Variants in SLC39A11 observed in about 807,000 individuals in gnomAD.
The protein encoded by SLC39A11 is solute carrier family 39 member 11, also known as zinc transporter ZIP11.
A neutral mutation model predicts 36.1 loss-of-function variants in SLC39A11; 33 were observed. That is an observed-to-expected ratio of 0.91 (90% CI 0.69 to 1.22). The LOEUF is 1.22. SLC39A11 is among the 50% of genes most tolerant of loss of function. The pLI is 0.00. For missense variants in SLC39A11, 432 were observed against 430.3 expected, an observed-to-expected ratio of 1.00 and a Z score of -0.03; for synonymous variants, 166 against 170.3, an observed-to-expected ratio of 0.97 and a Z score of 0.20.
intron 3 of SLC39A11, among the ~76,000 whole-genome samples, chr17:73,037,198 A>T (rs1481894146): frequency 6.6e-6 from 1 of 152,224 alleles, no homozygotes; most frequent in Non-Finnish European, 1.5e-5. Context: ...ACCCGTGTGC[A>T]GGTATTGGTG....
At chr17:72,696,174 T>C (rs1276159034) in intron 7 of SLC39A11, among the ~76,000 whole-genome samples, 2 of 151,700 alleles carry the variant, frequency 1.3e-5, no homozygotes, top group Non-Finnish European at 2.9e-5. Flanking sequence ...TTGGGAGTCA[T>C]GGGGCAGGGG....
At chr17:72,894,740 C>T (rs935474454) in intron 5 of SLC39A11, among the ~76,000 whole-genome samples, 1 of 150,550 alleles carries the variant, frequency 6.6e-6, no homozygotes, top group Non-Finnish European at 1.5e-5. Context: ...GAGTCAGAAA[C>T]GTTTCAGAGA....
At chr17:72,844,626 G>A (rs532024046) in intron 6 of SLC39A11, among the ~76,000 whole-genome samples, 30 of 152,062 alleles carry the variant, frequency 2.0e-4, no homozygotes, top group Non-Finnish European at 3.7e-4. Flanking sequence ...CCAAAATTGC[G>A]CCACTGCACT....
intron 4 of SLC39A11, among the ~76,000 whole-genome samples, chr17:73,024,259 C>T (rs187680772): frequency 1.9e-4 from 29 of 152,338 alleles, no homozygotes; most frequent in Admixed American, 1.6e-3. Flanking sequence ...GAAATTTCAA[C>T]AATAGCTCAA....
intron 7 of SLC39A11, among the ~76,000 whole-genome samples, chr17:72,652,139 G>A (rs1032782843): frequency 6.6e-6 from 1 of 152,170 alleles, no homozygotes; most frequent in Non-Finnish European, 1.5e-5. Context: ...ACCATTGAGT[G>A]TGGCTGTGTT....
intron 3 of SLC39A11, among the ~76,000 whole-genome samples, chr17:73,073,464 A>G (rs375499176): frequency 9.8e-5 from 15 of 152,286 alleles, no homozygotes; most frequent in East Asian, 9.6e-4. Context: ...GTCCTACCAA[A>G]CCAACCCTGT....
chr17:72,920,858 C>T (rs569875995), intron 5 of SLC39A11, among the ~76,000 whole-genome samples: 1 of 151,880 alleles, frequency 6.6e-6, no homozygotes, highest in Admixed American at 6.5e-5. Context: ...TTCCCACCCC[C>T]TCTACAACAT....
At chr17:73,089,232 C>A (rs2060844601) in intron 1 of SLC39A11, among the ~76,000 whole-genome samples, 1 of 152,086 alleles carries the variant, frequency 6.6e-6, no homozygotes, top group African/African-American at 2.4e-5. Context: ...AATCTTAATC[C>A]CCATCACATC....
intron 7 of SLC39A11, among the ~76,000 whole-genome samples, chr17:72,705,418 T>C (rs535665771): frequency 1.9e-3 from 287 of 152,292 alleles, no homozygotes; most frequent in African/African-American, 6.6e-3. Context: ...TTTCATAGAA[T>C]TGGTTCCTGT....
chr17:72,897,066 A>AAC lies in SLC39A11; in HGVS notation c.431-47263_431-47262insGT, dbSNP rs1405218580. ...AGACTCTGTCTCAAAAAAAAAAAAAAAAAAACAAACAGAAAAACAGAAAAG... is the reference window on the plus strand; with the variant it reads ...AGACTCTGTCTCAAAAAAAAAAAAAAACAAAAACAAACAGAAAAACAGAAAAG... On this transcript the variant is annotated intron_variant, in intron 5 of 9. Coordinates refer to ENST00000255559, the MANE Select transcript of SLC39A11 (RefSeq NM_139177.4). 1.4e-4 allele frequency among the ~76,000 whole-genome samples: 21 copies of AAC among 150,570 alleles called. 3 individuals are homozygous for AAC. In the South Asian group the frequency reaches 2.3e-3, roughly 17 times the overall value.
chr17:72,946,564 T>G (rs1281422142), intron 5 of SLC39A11, among the ~76,000 whole-genome samples: 1 of 152,218 alleles, frequency 6.6e-6, no homozygotes, highest in Non-Finnish European at 1.5e-5. Flanking sequence ...ATCACTCCTG[T>G]GAACACAGTG....
rs56036208 is a variant in SLC39A11 at position 72,949,144 on chromosome 17, CTTTTTTTTTTTTTTTTTTT to C, written c.307-1288_307-1270del. On this transcript the variant is annotated intron_variant, in intron 4 of 9. Coordinates refer to ENST00000255559, the MANE Select transcript of SLC39A11 (RefSeq NM_139177.4). Reference sequence around the variant, plus strand: ...AAATAAAATACCATACACTGGGCAGCTTTTTTTTTTTTTTTTTTTTTTTTTTTTTTTTTGAGACAGAGTT... The same window carrying C: ...AAATAAAATACCATACACTGGGCAGCTTTTTTTTTTTTTTGAGACAGAGTT... Among the ~76,000 whole-genome samples the C allele has an allele frequency of 2.5e-4, 9 of 36,474 alleles. 1 individual carries two copies. Among genetic ancestry groups the C allele is most frequent in the Non-Finnish European group, 4.3e-4 (8 of 18,636 alleles). 23.9% of individuals were successfully genotyped at this position (36,474 alleles called of 152,430 possible).
chr17:72,736,103 TAA>T (rs1157066596), intron 7 of SLC39A11, among the ~76,000 whole-genome samples: 1 of 152,010 alleles, frequency 6.6e-6, no homozygotes, highest in Non-Finnish European at 1.5e-5. Context: ...ACATGGAAAA[TAA>T]AGTCACAAGG....
At chr17:72,859,426 T>C (rs2146183902) in intron 5 of SLC39A11, among the ~76,000 whole-genome samples, 1 of 151,888 alleles carries the variant, frequency 6.6e-6, no homozygotes. Flanking sequence ...TGTAGCAAGG[T>C]AACCTGTATT....
At chr17:72,670,158 TATACACACAC>T (rs71154903) in intron 7 of SLC39A11, among the ~76,000 whole-genome samples, 18,297 of 126,188 alleles carry the variant, frequency 0.14, 1,544 homozygotes, top group Admixed American at 0.22. Context: ...ACACATTTTA[TATACACACAC>T]ACACACACAC....
chr17:72,773,448 C>T (rs1434428861), intron 6 of SLC39A11, among the ~76,000 whole-genome samples: 2 of 152,082 alleles, frequency 1.3e-5, no homozygotes, highest in Non-Finnish European at 2.9e-5. Context: ...AGGGGAAACC[C>T]CTTTTTCTTG....
chr17:72,875,163 A>C (rs1177199831), intron 5 of SLC39A11, among the ~76,000 whole-genome samples: 3 of 152,206 alleles, frequency 2.0e-5, no homozygotes. Flanking sequence ...AAAGGGGAGG[A>C]AGTCACAAGA....
chr17:72,721,851 TC>T (rs1439783706), intron 7 of SLC39A11, among the ~76,000 whole-genome samples: 8 of 151,218 alleles, frequency 5.3e-5, no homozygotes, highest in South Asian at 4.2e-4. Flanking sequence ...ATGCCCATAA[TC>T]CCAGCTACTC....
rs1391316720 is a variant in SLC39A11 at position 72,849,734 on chromosome 17, A to G, written c.501T>C (p.Ala167=). 6.2e-7 allele frequency: 1 copy of G among 1,611,512 alleles called. No individual in the cohort carries two copies. The highest frequency in any genetic ancestry group is 1.7e-5 in the Admixed American group (1 of 59,496). Residue 167 remains alanine (A), a synonymous_variant, in exon 6 of 10, where the codon GCT becomes GCC. Transcript: ENST00000255559. ...AAATGLPEGP[A]VPVPSRGNLA... ...GATTCCCTCGAGAAGGCACAGGGAC[A>G]GCAGGACCCTCTGGAAGGCCAGTGG...
Sources: allele counts gnomAD v4.1 joint callset (sites outside exome capture counted in the v4.1 genomes callset), GRCh38; gene constraint gnomAD v4.1.1; transcripts MANE v1.5; gene names NCBI Gene and HGNC (gene_info 2026-07-23, HGNC 2026-07-21).